MSH3: variants seen among roughly 807,000 people sequenced by gnomAD.
The protein encoded by MSH3 is mutS homolog 3.
Under a neutral mutation model 123.3 loss-of-function variants are expected in MSH3, and 106 were observed. The observed-to-expected ratio is 0.86, with a 90% CI of 0.73 to 1.01. The LOEUF (loss-of-function observed/expected upper bound fraction) is 1.01, where lower values mean the gene tolerates loss of function less well. Ranked by LOEUF, MSH3 falls within the 50% of genes least tolerant of loss-of-function variation. The pLI, the probability that MSH3 is intolerant of heterozygous loss-of-function variation, is 0.00. For missense variants in MSH3, 1,459 were observed against 1,347.6 expected (o/e 1.08, Z -1.29); for synonymous variants, 515 against 481.4 (o/e 1.07, Z -0.91).
chr5:80,861,220 C>A (rs765700504), intron 21 of MSH3, among the ~76,000 whole-genome samples: 1 of 152,038 alleles, frequency 6.6e-6, no homozygotes, highest in Non-Finnish European at 1.5e-5. Context: ...GTATGTCTTG[C>A]GACTTTTTCT....
rs1185030061 is a variant in MSH3 at position 80,692,451 on chromosome 5, G to T, written c.1340+13358G>T. Among the ~76,000 whole-genome samples the T allele has an allele frequency of 2.4e-4, 10 of 41,464 alleles. 1 individual carries two copies. The highest frequency in any genetic ancestry group is 2.1e-3 in the East Asian group (2 of 932). The allele number at this position is 41,464 out of a possible 152,430, so 27.2% of individuals were successfully genotyped here. The stretch of plus-strand genomic sequence containing the variant: ...AGATAGATAAACATGTATATGTTTA[G>T]ATAGATAAACATGTATATGTTTAGA... On this transcript the variant is annotated intron_variant, in intron 8 of 23. Transcript: ENST00000265081.
chr5:80,829,941 C>G (rs1745390504), intron 20 of MSH3, among the ~76,000 whole-genome samples: 1 of 152,050 alleles, frequency 6.6e-6, no homozygotes, highest in African/African-American at 2.4e-5. Context: ...TTGTCCCTGT[C>G]TTTTTGTGGG....
chr5:80,774,130 G>A (rs1744259700), intron 15 of MSH3, among the ~76,000 whole-genome samples: 1 of 152,080 alleles, frequency 6.6e-6, no homozygotes, highest in Admixed American at 6.6e-5. Context: ...CATAACTAAG[G>A]CTAAAAATGA....
chr5:80,756,115 A>G (rs1283662584), intron 12 of MSH3, among the ~76,000 whole-genome samples: 1 of 152,222 alleles, frequency 6.6e-6, no homozygotes, highest in Non-Finnish European at 1.5e-5. Context: ...GGAAACACAG[A>G]CAATTCTTTA....
At chr5:80,712,682 TA>T (rs35021383) in intron 8 of MSH3, among the ~76,000 whole-genome samples, 36,542 of 152,058 alleles carry the variant, frequency 0.24, 4,489 homozygotes, top group Middle Eastern at 0.32. Context: ...ATATATTTGA[TA>T]TTAGTTTATA....
intron 8 of MSH3, among the ~76,000 whole-genome samples, chr5:80,687,670 A>AT (rs1305271241): frequency 6.6e-6 from 1 of 152,066 alleles, no homozygotes; most frequent in Non-Finnish European, 1.5e-5. Context: ...CAGAAGGGAG[A>AT]TTTCTCTGAT....
At chr5:80,847,729 A>C (rs1453837103) in intron 20 of MSH3, among the ~76,000 whole-genome samples, 1 of 152,180 alleles carries the variant, frequency 6.6e-6, no homozygotes, top group Non-Finnish European at 1.5e-5. Context: ...ATGAAGGTGC[A>C]TGTCTTATTT....
Position 80,873,231 on chromosome 5 carries a change from T to G in MSH3, c.3246T>G (p.Ile1082Met), listed in dbSNP as rs764045075. The G allele has an allele frequency of 6.2e-6, 10 of 1,613,848 alleles. No homozygotes were observed. The highest frequency in any genetic ancestry group is 8.5e-6 in the Non-Finnish European group (10 of 1,179,940). ...VAKLADVPGE[I>M]LKKAAHKSKE... ...AACTAGCAGATGTTCCTGGAGAAATTTTGAAGAAAGCAGCTCACAAGTCAA... is the reference window on the plus strand; with the variant it reads ...AACTAGCAGATGTTCCTGGAGAAATGTTGAAGAAAGCAGCTCACAAGTCAA... Residue 1082 changes from isoleucine to methionine, a missense_variant, in exon 23 of 24, where the codon ATT becomes ATG. Coordinates refer to ENST00000265081, the MANE Select transcript of MSH3 (RefSeq NM_002439.5).
In MSH3 at chr5:80,656,401, C is replaced by G; in HGVS notation, c.238-10C>G. The G allele has an allele frequency of 6.2e-7, 1 of 1,613,958 alleles. No individual in the cohort carries two copies. The highest frequency in any genetic ancestry group is 8.5e-7 in the Non-Finnish European group (1 of 1,179,948). On this transcript the variant is annotated splice_polypyrimidine_tract_variant and intron_variant, in intron 1 of 23. Coordinates refer to ENST00000265081, the MANE Select transcript of MSH3 (RefSeq NM_002439.5). ...AGATAACACATCATTTTCTAACCTT[C>G]CCGATATAGGCTACAGAAATTGACA...
chr5:80,670,138 T>A lies in MSH3; in HGVS notation c.621T>A (p.Asn207Lys), dbSNP rs1288019618. 3.1e-6 allele frequency: 5 copies of A among 1,614,128 alleles called. No homozygotes were observed. In the South Asian group the frequency reaches 5.5e-5, roughly 18 times the overall value. The change falls in exon 4 of 24, where the codon AAT becomes AAA. Residue 207 changes from asparagine to lysine, a missense_variant. Physicochemically the swap from Asn to Lys is moderately conservative, Grantham distance 94. Transcript: ENST00000265081. ...ATCTCAGTCAGTTTGGATCATCAAA[T>A]ACAAGTCATGAAAATTTACAGAAAA... ...LFDLSQFGSS[N>K]TSHENLQKTA...
rs1039997094 is a variant in MSH3 at position 80,692,661 on chromosome 5, T to TAC, written c.1340+13572_1340+13573dup. Among the ~76,000 whole-genome samples, 34 of 138,082 alleles carry TAC rather than the reference T, an allele frequency of 2.5e-4. No homozygotes were observed. The South Asian group carries it at 2.5e-3, about 10-fold the overall frequency. The allele number at this position is 138,082 out of a possible 152,430, so 90.6% of individuals were successfully genotyped here. ...ATATATGTTTATATAGATATATATA[T>TAC]ACACATGTATATGTTTATGTTTATA... On this transcript the variant is annotated intron_variant, in intron 8 of 23. Transcript: ENST00000265081.
chr5:80,786,605 A>C (rs774183230), intron 17 of MSH3, among the ~76,000 whole-genome samples: 1 of 152,182 alleles, frequency 6.6e-6, no homozygotes, highest in African/African-American at 2.4e-5. Flanking sequence ...AAGCTCAGCT[A>C]TATATTTCCT....
intron 2 of MSH3, 131 bp from the exon 3 acceptor site, chr5:80,665,012 A>G: frequency 1.5e-6 from 1 of 686,634 alleles, no homozygotes; most frequent in South Asian, 1.9e-5. Flanking sequence ...TTTTTTAAAA[A>G]AATCACATTA....
intron 8 of MSH3, among the ~76,000 whole-genome samples, chr5:80,695,825 A>C (rs914269496): frequency 7.9e-5 from 12 of 151,944 alleles, no homozygotes; most frequent in African/African-American, 2.9e-4. Flanking sequence ...GTCTTTTTTC[A>C]TTCAGTTGGA....
intron 8 of MSH3, among the ~76,000 whole-genome samples, chr5:80,683,576 G>C (rs576220007): frequency 1.3e-5 from 2 of 152,210 alleles, no homozygotes; most frequent in African/African-American, 4.8e-5. Flanking sequence ...AGAGTTGTTT[G>C]AGCTCCTTAT....
At chr5:80,785,114 A>C (rs1464043615) in intron 17 of MSH3, among the ~76,000 whole-genome samples, 1 of 152,214 alleles carries the variant, frequency 6.6e-6, no homozygotes, top group African/African-American at 2.4e-5. Flanking sequence ...AGCACTGTAG[A>C]AATCTTTGGA....
intron 10 of MSH3, among the ~76,000 whole-genome samples, chr5:80,737,717 A>G (rs937158225): frequency 5.9e-5 from 9 of 152,208 alleles, no homozygotes; most frequent in Admixed American, 2.0e-4. Context: ...ACAGAAGGAA[A>G]TTGCATTTCT....
chr5:80,798,316 G>A (rs1462234073), intron 19 of MSH3, among the ~76,000 whole-genome samples: 11 of 151,666 alleles, frequency 7.3e-5, no homozygotes, highest in Non-Finnish European at 1.5e-4. Context: ...TATGGAATGG[G>A]TGCTCACACA....
At chr5:80,775,216 CT>C (rs1408084370) in intron 15 of MSH3, among the ~76,000 whole-genome samples, 2 of 152,164 alleles carry the variant, frequency 1.3e-5, no homozygotes, top group Non-Finnish European at 2.9e-5. Flanking sequence ...TGTGAAGAGA[CT>C]TTTACAGGAT....
Sources: gnomAD v4.1 joint callset for allele counts (sites outside exome capture counted in the v4.1 genomes callset) on GRCh38, gnomAD v4.1.1 for gene constraint, MANE v1.5 for transcripts, NCBI Gene and HGNC (gene_info 2026-07-23, HGNC 2026-07-21) for gene names.